Variants in DLG2 observed in about 807,000 individuals in gnomAD.
DLG2 encodes discs large MAGUK scaffold protein 2.
A neutral mutation model predicts 132.5 loss-of-function variants in DLG2; 45 were observed. The ratio of observed to expected loss-of-function variants is 0.34; its 90% CI spans 0.27 to 0.44. The LOEUF is 0.44. Among genes scored for constraint, DLG2 ranks in the 20% least tolerant of loss-of-function variants. The probability of loss-of-function intolerance (pLI) is 1.00; values close to 1 mark genes in which losing one functional copy is unlikely to be tolerated. For missense variants in DLG2, 1,045 were observed against 1,196.9 expected, an observed-to-expected ratio of 0.87 and a Z score of 1.87; for synonymous variants, 424 against 419.6, an observed-to-expected ratio of 1.01 and a Z score of -0.13.
At chr11:84,285,537 A>T (rs1428043395) in intron 7 of DLG2, among the ~76,000 whole-genome samples, 1 of 152,128 alleles carries the variant, frequency 6.6e-6, no homozygotes, top group Non-Finnish European at 1.5e-5. Flanking sequence ...TTATCATTTA[A>T]ATCTTAGCTT....
intron 11 of DLG2, among the ~76,000 whole-genome samples, chr11:84,040,579 T>C (rs896652329): frequency 1.3e-5 from 2 of 152,134 alleles, no homozygotes; most frequent in Non-Finnish European, 2.9e-5. Flanking sequence ...CATTGATCCA[T>C]ATCTCTGTTT....
chr11:84,251,018 T>C (rs557320138), intron 8 of DLG2, among the ~76,000 whole-genome samples: 1 of 152,318 alleles, frequency 6.6e-6, no homozygotes, highest in South Asian at 2.1e-4. Context: ...TATTTTTGTT[T>C]CATAATGGGC....
intron 3 of DLG2, among the ~76,000 whole-genome samples, chr11:85,558,192 CAT>C (rs1488450556): frequency 6.6e-6 from 1 of 151,880 alleles, no homozygotes; most frequent in Non-Finnish European, 1.5e-5. Context: ...GGCCAACAAA[CAT>C]ATGAAAAATG....
chr11:85,589,539 C>T (rs945295851), intron 3 of DLG2, among the ~76,000 whole-genome samples: 1 of 152,086 alleles, frequency 6.6e-6, no homozygotes, highest in African/African-American at 2.4e-5. Context: ...GGGCTTGCTG[C>T]AGCCACTGTG....
chr11:84,670,517 G>GT (rs1361681152), intron 6 of DLG2, among the ~76,000 whole-genome samples: 2 of 152,156 alleles, frequency 1.3e-5, no homozygotes, highest in African/African-American at 4.8e-5. Context: ...GAACACACAA[G>GT]TGGTGTCGAT....
At chr11:85,309,637 G>T (rs141473227) in intron 3 of DLG2, among the ~76,000 whole-genome samples, 1 of 152,156 alleles carries the variant, frequency 6.6e-6, no homozygotes, top group African/African-American at 2.4e-5. Flanking sequence ...CCCACAACCT[G>T]ACATCCTCCC....
intron 9 of DLG2, among the ~76,000 whole-genome samples, chr11:84,105,117 G>GA (rs1246402597): frequency 6.6e-6 from 1 of 152,102 alleles, no homozygotes; most frequent in Non-Finnish European, 1.5e-5. Context: ...CAATGGTAGG[G>GA]AAGTAATACA....
chr11:83,485,274 T>G (rs1489313803), intron 21 of DLG2, among the ~76,000 whole-genome samples: 2 of 152,144 alleles, frequency 1.3e-5, no homozygotes, highest in African/African-American at 4.8e-5. Flanking sequence ...CCTAGAAGAC[T>G]CCCTAAGGAA....
intron 6 of DLG2, among the ~76,000 whole-genome samples, chr11:84,895,136 C>T (rs1022512066): frequency 6.6e-6 from 1 of 152,050 alleles, no homozygotes; most frequent in African/African-American, 2.4e-5. Flanking sequence ...AACTTATTTA[C>T]ATGATTTGCC....
intron 10 of DLG2, among the ~76,000 whole-genome samples, chr11:84,073,110 T>A (rs759825800): frequency 1.3e-5 from 2 of 152,054 alleles, no homozygotes; most frequent in Non-Finnish European, 2.9e-5. Context: ...TAGAACAGAG[T>A]TGGCACAGAA....
intron 5 of DLG2, among the ~76,000 whole-genome samples, chr11:85,131,416 C>G (rs1056806016): frequency 6.6e-6 from 1 of 152,032 alleles, no homozygotes; most frequent in Non-Finnish European, 1.5e-5. Context: ...AAAAGTAACA[C>G]AAGGGTAACA....
At chr11:84,085,730 C>G (rs983503888) in intron 10 of DLG2, among the ~76,000 whole-genome samples, 1 of 152,178 alleles carries the variant, frequency 6.6e-6, no homozygotes, top group Non-Finnish European at 1.5e-5. Context: ...GCACCCTATA[C>G]ACAAAGCAGT....
intron 3 of DLG2, among the ~76,000 whole-genome samples, chr11:85,480,220 C>A (rs1247523683): frequency 1.3e-5 from 2 of 152,210 alleles, no homozygotes; most frequent in African/African-American, 4.8e-5. Context: ...TGAAGATAGA[C>A]ATTGTAATCC....
intron 20 of DLG2, among the ~76,000 whole-genome samples, chr11:83,535,259 G>A (rs1008424888): frequency 2.0e-5 from 3 of 152,078 alleles, no homozygotes; most frequent in African/African-American, 7.2e-5. Context: ...CAATGCTTTG[G>A]CATCATTCAA....
chr11:83,699,753 A>AATG (rs1216406472), intron 18 of DLG2, among the ~76,000 whole-genome samples: 1 of 150,548 alleles, frequency 6.6e-6, no homozygotes. Context: ...TAATAATAAT[A>AATG]ATAATACAGA....
chr11:85,469,053 C>T (rs1027724056), intron 3 of DLG2, among the ~76,000 whole-genome samples: 2 of 152,160 alleles, frequency 1.3e-5, no homozygotes, highest in Non-Finnish European at 2.9e-5. Flanking sequence ...ACTCTTTTAC[C>T]TCAATAAATG....
rs554430721 is a variant in DLG2, at chr11:84,016,568, G to A, written c.920-35926C>T. Reference sequence around the variant, plus strand: ...GGTCCAGTTTCAATTTTCTGCCTATGGCTAGCCAGTTCTCCCAGCATCATT... The same window carrying A: ...GGTCCAGTTTCAATTTTCTGCCTATAGCTAGCCAGTTCTCCCAGCATCATT... On this transcript the variant is annotated intron_variant, in intron 11 of 27. Transcript: ENST00000376104. Among the ~76,000 whole-genome samples, 42 of 152,142 alleles carry A rather than the reference G, an allele frequency of 2.8e-4. No homozygotes were observed. The South Asian group carries it at 8.1e-3, about 29-fold the overall frequency.
chr11:84,798,721 C>A (rs2153953419), intron 6 of DLG2, among the ~76,000 whole-genome samples: 1 of 152,280 alleles, frequency 6.6e-6, no homozygotes, highest in Admixed American at 6.5e-5. Flanking sequence ...AACCTAAGGC[C>A]CAAAGCATAC....
At position 83,936,774 on chromosome 11, in the gene DLG2, AT is replaced by A. The variant is rs200760527; in HGVS notation, c.1341-6292del. Among the ~76,000 whole-genome samples, 26 of 152,326 alleles carry A rather than the reference AT, an allele frequency of 1.7e-4. No individual in the cohort carries two copies. The East Asian group carries it at 4.2e-3, about 25-fold the overall frequency. ...TTGTAAATGGGTTATGGAGTGTTTC[AT>A]TGGAATAAGAAGTTGAATATTAATG... is the stretch of plus-strand genomic sequence containing the variant. On this transcript the variant is annotated intron_variant, in intron 14 of 27. Coordinates refer to ENST00000376104, the MANE Select transcript of DLG2 (RefSeq NM_001142699.3).
Sources: allele counts gnomAD v4.1 joint callset (sites outside exome capture counted in the v4.1 genomes callset), GRCh38; gene constraint gnomAD v4.1.1; transcripts MANE v1.5; gene names NCBI Gene and HGNC (gene_info 2026-07-23, HGNC 2026-07-21).